Variants in HACD3 observed in about 807,000 individuals in gnomAD.
HACD3 encodes the protein 3-hydroxyacyl-CoA dehydratase 3.
HACD3 carries 30 observed loss-of-function variants against 55.2 expected under a neutral mutation model. The observed-to-expected ratio is 0.54, with a 90% confidence interval of 0.41 to 0.74. HACD3 has a LOEUF of 0.74. HACD3 is among the 30% of genes least tolerant of loss of function. HACD3 has a pLI of 0.00. For missense variants in HACD3, 363 were observed against 440.1 expected, an observed-to-expected ratio of 0.82 and a Z score of 1.57; for synonymous variants, 141 against 151.7, an observed-to-expected ratio of 0.93 and a Z score of 0.52.
At chr15:65,531,730 T>A (rs2141199502) in intron 1 of HACD3, among the ~76,000 whole-genome samples, 1 of 152,218 alleles carries the variant, frequency 6.6e-6, no homozygotes, top group East Asian at 1.9e-4. Flanking sequence ...CATGCCCGGC[T>A]AATTTTTGTA....
chr15:65,558,579 T>C (rs960092317), intron 4 of HACD3, 101 bp from the exon 5 acceptor site: 3 of 1,127,620 alleles, frequency 2.7e-6, no homozygotes, highest in Non-Finnish European at 3.9e-6. Context: ...ACTGGAGGAG[T>C]TGGCTTTGAG....
intron 9 of HACD3, 26 bp downstream of exon 9, chr15:65,571,680 A>G (rs1172109477): frequency 6.4e-7 from 1 of 1,555,896 alleles, no homozygotes; most frequent in Admixed American, 1.7e-5. Context: ...CTTAGCTTTC[A>G]TAGCTTAGCT....
chr15:65,551,773 G>T, intron 2 of HACD3, 55 bp downstream of exon 2: 2 of 1,588,054 alleles, frequency 1.3e-6, no homozygotes, highest in Non-Finnish European at 1.7e-6. Flanking sequence ...AGGTGTGGTG[G>T]TGGTTTCCCT....
At chr15:65,562,981 C>A in intron 6 of HACD3, 97 bp downstream of exon 6, 3 of 1,522,212 alleles carry the variant, frequency 2.0e-6, no homozygotes, top group Admixed American at 4.1e-5. Flanking sequence ...TTAATAATAA[C>A]CCCTGCATTT....
At chr15:65,571,497 C>A in intron 8 of HACD3, 51 bp from the exon 9 acceptor site, 1 of 1,306,928 alleles carries the variant, frequency 7.7e-7, no homozygotes, top group Non-Finnish European at 1.1e-6. Context: ...TCTAAGGTTG[C>A]ATTCGGAACC....
chr15:65,534,823 T>C (rs929676090), intron 1 of HACD3, among the ~76,000 whole-genome samples: 1 of 152,180 alleles, frequency 6.6e-6, no homozygotes, highest in African/African-American at 2.4e-5. Flanking sequence ...GAGATTTGAA[T>C]TGGAAAATGG....
At chr15:65,534,874 G>A (rs1046711318) in intron 1 of HACD3, among the ~76,000 whole-genome samples, 2 of 152,226 alleles carry the variant, frequency 1.3e-5, no homozygotes, top group African/African-American at 4.8e-5. Flanking sequence ...CAGTTCAAGT[G>A]AGTGATTATG....
intron 1 of HACD3, chr15:65,551,206 T>C (rs946023176): frequency 1.3e-4 from 21 of 157,370 alleles, no homozygotes; most frequent in Admixed American, 1.9e-4. Flanking sequence ...CTCTCTCTCC[T>C]AACTCTGCTA....
rs1384004000 is a variant in HACD3 at position 65,558,716 on chromosome 15, G to A, written c.406G>A (p.Glu136Lys). The change falls in exon 5 of 11, where the codon GAA becomes AAA. Residue 136 changes from glutamate to lysine, a missense_variant. Transcript: ENST00000261875. ...CCTAAATAAACTCCGACTGGAAAGC[G>A]AAGGCTCTCCTGAAAGTAAGTTGTG... The part of the protein sequence containing the change: ...ERLNKLRLES[E>K]GSPETLTNLR... The A allele has an allele frequency of 2.5e-6, 4 of 1,601,794 alleles. No homozygotes were observed. Among genetic ancestry groups the A allele is most frequent in the Admixed American group, 1.7e-5 (1 of 58,240 alleles).
intron 8 of HACD3, 119 bp downstream of exon 8, chr15:65,570,322 G>A: frequency 1.4e-6 from 1 of 732,660 alleles, no homozygotes; most frequent in Admixed American, 3.1e-5. Flanking sequence ...GATTACATAT[G>A]TGGAGAATTC....
intron 1 of HACD3, among the ~76,000 whole-genome samples, chr15:65,547,320 T>C (rs2072087650): frequency 6.6e-6 from 1 of 152,172 alleles, no homozygotes; most frequent in Non-Finnish European, 1.5e-5. Context: ...TTTCACCATA[T>C]TGGTCAGGCT....
At position 65,550,318 on chromosome 15, in the gene HACD3, CAG is replaced by C. The variant is rs545336378; in HGVS notation, c.88-1355_88-1354del. Among the ~76,000 whole-genome samples the C allele has an allele frequency of 2.9e-3, 443 of 152,058 alleles. 2 individuals are homozygous for C. The highest frequency in any genetic ancestry group is 0.017 in the Middle Eastern group (5 of 294). On this transcript the variant is annotated intron_variant, in intron 1 of 10. Coordinates refer to ENST00000261875, the MANE Select transcript of HACD3 (RefSeq NM_016395.4). ...AGGAGAATCGCCTGAACCTGGGAGG[CAG>C]AGGTTACAGTGAGCCGAGACTGAGC...
Position 65,572,368 on chromosome 15 carries a change from T to C in HACD3, c.1012+2T>C. 1 of 1,590,850 alleles carries C rather than the reference T, an allele frequency of 6.3e-7. No individual in the cohort carries two copies. Among genetic ancestry groups the C allele is most frequent in the African/African-American group, 1.3e-5 (1 of 74,108 alleles). On this transcript the variant is annotated splice_donor_variant, in intron 10 of 10. Transcript: ENST00000261875. LOFTEE classifies it high-confidence loss of function. ...TTTATCTTATAATGATATTTTTAGGTAAGTATTGATTCTTTAATACAGACT... is the reference window on the plus strand; with the variant it reads ...TTTATCTTATAATGATATTTTTAGGCAAGTATTGATTCTTTAATACAGACT...
At chr15:65,538,524 GA>G (rs2071986405) in intron 1 of HACD3, among the ~76,000 whole-genome samples, 1 of 152,196 alleles carries the variant, frequency 6.6e-6, no homozygotes, top group Non-Finnish European at 1.5e-5. Flanking sequence ...GATGAGCAAA[GA>G]AAGTGATTTA....
intron 6 of HACD3, among the ~76,000 whole-genome samples, chr15:65,563,424 A>C (rs1467563074): frequency 6.6e-6 from 1 of 152,244 alleles, no homozygotes; most frequent in Non-Finnish European, 1.5e-5. Flanking sequence ...TTTGATCTAA[A>C]GTATTCTGAA....
intron 8 of HACD3, among the ~76,000 whole-genome samples, chr15:65,571,097 T>C (rs1386040091): frequency 6.6e-6 from 1 of 152,230 alleles, no homozygotes; most frequent in Non-Finnish European, 1.5e-5. Context: ...CTTAATGCAA[T>C]GTTTACTGTT....
rs765525900 is a variant in HACD3, at chr15:65,576,378, A to G, written c.1088A>G (p.Ter363=). 1.9e-6 allele frequency: 3 copies of G among 1,597,192 alleles called. No homozygotes were observed. The South Asian group carries it at 3.4e-5, about 18-fold the overall frequency. The change falls in exon 11 of 11, where the codon TAA becomes TGA. Residue 363 remains the stop codon, a stop_retained_variant. Coordinates refer to ENST00000261875, the MANE Select transcript of HACD3 (RefSeq NM_016395.4). ...GGACAAAAAAAGAAAAAGATCCACTAAAAAGAAAGATTTAGATGGCTTCTT... is the reference window on the plus strand; with the variant it reads ...GGACAAAAAAAGAAAAAGATCCACTGAAAAGAAAGATTTAGATGGCTTCTT... ...RYGQKKKKIH[*] is the part of the protein sequence containing the mutation.
chr15:65,554,482 G>A (rs544577859), intron 2 of HACD3, among the ~76,000 whole-genome samples: 25 of 152,136 alleles, frequency 1.6e-4, no homozygotes, highest in Non-Finnish European at 3.5e-4. Flanking sequence ...CTACAATCAA[G>A]TATGATATTC....
At chr15:65,540,780 G>A (rs1320460909) in intron 1 of HACD3, among the ~76,000 whole-genome samples, 4 of 152,114 alleles carry the variant, frequency 2.6e-5, no homozygotes, top group African/African-American at 7.2e-5. Flanking sequence ...TAGGATTTGT[G>A]TTTCAAAAAA....
Sources: allele counts gnomAD v4.1 joint callset (sites outside exome capture counted in the v4.1 genomes callset), GRCh38; gene constraint gnomAD v4.1.1; transcripts MANE v1.5; gene names NCBI Gene and HGNC (gene_info 2026-07-23, HGNC 2026-07-21).